Variants in AKAP7 observed in about 807,000 individuals in gnomAD.
AKAP7 encodes the protein A-kinase anchoring protein 7, also known as A kinase (PRKA) anchor protein 7.
In AKAP7, 39 loss-of-function variants were observed where a neutral mutation model predicts 39.5. The observed-to-expected ratio is 0.99, with a 90% CI of 0.76 to 1.29. The LOEUF (loss-of-function observed/expected upper bound fraction) is 1.29, where lower values mean the gene tolerates loss of function less well. AKAP7 is among the 50% of genes most tolerant of loss of function. AKAP7 has a pLI of 0.00. For missense variants in AKAP7, 414 were observed against 407.7 expected (o/e 1.02, Z -0.13); for synonymous variants, 140 against 139.1 (o/e 1.01, Z -0.05).
intron 7 of AKAP7, among the ~76,000 whole-genome samples, chr6:131,221,588 C>T (rs1207126542): frequency 6.6e-6 from 1 of 152,176 alleles, no homozygotes; most frequent in Non-Finnish European, 1.5e-5. Context: ...TGTCTGACTT[C>T]ACAGTTTCAA....
intron 4 of AKAP7, among the ~76,000 whole-genome samples, chr6:131,165,436 G>A (rs1803383003): frequency 6.6e-6 from 1 of 152,076 alleles, no homozygotes; most frequent in Non-Finnish European, 1.5e-5. Context: ...CCTTGGTTAT[G>A]TAATTGTTTT....
intron 2 of AKAP7, among the ~76,000 whole-genome samples, chr6:131,158,816 T>C (rs1465066944): frequency 6.6e-6 from 1 of 151,914 alleles, no homozygotes. Context: ...AGGGGAACTG[T>C]ATTTTGAACA....
intron 7 of AKAP7, among the ~76,000 whole-genome samples, chr6:131,233,354 GT>G (rs934506715): frequency 1.2e-4 from 18 of 152,134 alleles, no homozygotes; most frequent in Admixed American, 1.0e-3. Flanking sequence ...CCACTTCCCA[GT>G]TTCCAGCTGA....
intron 7 of AKAP7, among the ~76,000 whole-genome samples, chr6:131,271,362 G>A (rs1034413600): frequency 3.3e-5 from 5 of 151,982 alleles, no homozygotes; most frequent in Non-Finnish European, 5.9e-5. Context: ...TTGGCCATAC[G>A]TGTGTGAGTC....
rs1450983854 is a variant in AKAP7 at position 131,283,243 on chromosome 6, C to T, written c.*1517C>T. The T allele has an allele frequency of 1.3e-5, 2 of 152,670 alleles. No homozygotes were observed. The highest frequency in any genetic ancestry group is 2.4e-5 in the African/African-American group (1 of 41,534). The allele number at this position is 152,670 out of a possible 1,614,324, so 9.5% of individuals were successfully genotyped here. On this transcript the variant is annotated 3_prime_UTR_variant, in exon 8 of 8. Coordinates refer to ENST00000431975, the MANE Select transcript of AKAP7 (RefSeq NM_016377.4). The stretch of plus-strand genomic sequence containing the variant: ...TCCGAAGATAAGCTCCAGGTCTTAT[C>T]GTATCCCTTGCCATCTGAACTTGTT...
chr6:131,153,508 A>G (rs1363643451), intron 2 of AKAP7, among the ~76,000 whole-genome samples: 3 of 152,170 alleles, frequency 2.0e-5, no homozygotes, highest in Admixed American at 1.3e-4. Flanking sequence ...GTTATATGTT[A>G]TAACCATTAC....
intron 5 of AKAP7, among the ~76,000 whole-genome samples, chr6:131,180,821 TTTTG>T (rs1303669695): frequency 8.7e-6 from 1 of 114,930 alleles, no homozygotes; most frequent in African/African-American, 3.5e-5. Context: ...CACTTTCTTT[TTTTG>T]TTTGTTTTGT....
chr6:131,127,991 C>A, the AKAP7 span, among the ~76,000 whole-genome samples: 6 of 152,060 alleles, frequency 3.9e-5, no homozygotes, highest in African/African-American at 1.2e-4. Flanking sequence ...CAAGTGGACA[C>A]AAAGAAGGAA....
At chr6:131,185,392 A>T in intron 5 of AKAP7, 1 of 526,310 alleles carries the variant, frequency 1.9e-6, no homozygotes, top group Admixed American at 2.3e-5. Flanking sequence ...TGTGCTCAGC[A>T]CAGAGGTGGG....
At chr6:131,197,222 T>C (rs1179105121) in intron 5 of AKAP7, among the ~76,000 whole-genome samples, 1 of 152,190 alleles carries the variant, frequency 6.6e-6, no homozygotes, top group Non-Finnish European at 1.5e-5. Flanking sequence ...CAACCATTTA[T>C]TTATTGATGA....
At chr6:131,138,658 T>G (rs914723920) in intron 1 of AKAP7, among the ~76,000 whole-genome samples, 2 of 152,190 alleles carry the variant, frequency 1.3e-5, no homozygotes, top group African/African-American at 2.4e-5. Flanking sequence ...GGCATAATGG[T>G]AATAGAGTGA....
chr6:131,204,363 A>T (rs1376732365), intron 6 of AKAP7, among the ~76,000 whole-genome samples: 1 of 152,238 alleles, frequency 6.6e-6, no homozygotes, highest in Non-Finnish European at 1.5e-5. Context: ...AGGATTCTAT[A>T]ACAGCATACA....
In AKAP7 at chr6:131,233,302, G is replaced by C. The variant is rs373275317; in HGVS notation, c.850+13494G>C. Among the ~76,000 whole-genome samples, 20 of 152,294 alleles carry C rather than the reference G, an allele frequency of 1.3e-4. 1 individual carries two copies. The East Asian group carries it at 3.7e-3, about 28-fold the overall frequency. On this transcript the variant is annotated intron_variant, in intron 7 of 7. Coordinates refer to ENST00000431975, the MANE Select transcript of AKAP7 (RefSeq NM_016377.4). ...ACTACAGAGGAAAGCATAGTGACCA[G>C]AAGTTCCTACAATCAGGCAGACCTT...
chr6:131,189,825 G>A (rs1806233353), intron 5 of AKAP7, among the ~76,000 whole-genome samples: 1 of 152,090 alleles, frequency 6.6e-6, no homozygotes, highest in African/African-American at 2.4e-5. Context: ...TCAGTTATAA[G>A]TTATATTATT....
chr6:131,219,895 G>A (rs537192546), intron 7 of AKAP7, 87 bp downstream of exon 7: 3 of 945,276 alleles, frequency 3.2e-6, no homozygotes, highest in East Asian at 6.3e-5. Flanking sequence ...AAACTTAGTT[G>A]TATACGTTTT....
At chr6:131,221,760 AC>A (rs1809716607) in intron 7 of AKAP7, among the ~76,000 whole-genome samples, 1 of 152,222 alleles carries the variant, frequency 6.6e-6, no homozygotes, top group Admixed American at 6.5e-5. Context: ...GGATGACAGC[AC>A]ATCTGTTAAT....
chr6:131,153,123 C>G (rs1158436717), intron 2 of AKAP7, among the ~76,000 whole-genome samples: 2 of 134,116 alleles, frequency 1.5e-5, no homozygotes, highest in Non-Finnish European at 3.1e-5. Context: ...GAGCAAGACT[C>G]CATCTCAAAA....
chr6:131,195,446 C>T (rs753987487), intron 5 of AKAP7, among the ~76,000 whole-genome samples: 45 of 152,058 alleles, frequency 3.0e-4, no homozygotes, highest in Non-Finnish European at 5.1e-4. Context: ...AATATTTCTT[C>T]CTAAGATAGG....
At chr6:131,165,819 A>T (rs1157686945) in intron 4 of AKAP7, among the ~76,000 whole-genome samples, 2 of 152,238 alleles carry the variant, frequency 1.3e-5, no homozygotes, top group African/African-American at 2.4e-5. Flanking sequence ...TCTGGAAGAA[A>T]CCTTGTTCTT....
Sources: allele counts gnomAD v4.1 joint callset (sites outside exome capture counted in the v4.1 genomes callset), GRCh38; gene constraint gnomAD v4.1.1; transcripts MANE v1.5; gene names NCBI Gene and HGNC (gene_info 2026-07-23, HGNC 2026-07-21).